Variants in CSMD1 observed in about 807,000 individuals in gnomAD.
CSMD1 encodes the protein CUB and sushi domain-containing protein 1.
A neutral mutation model predicts 417.5 loss-of-function variants in CSMD1; 213 were observed. The ratio of observed to expected loss-of-function variants is 0.51; its 90% CI spans 0.46 to 0.57. The LOEUF (loss-of-function observed/expected upper bound fraction) is 0.57, where lower values mean the gene tolerates loss of function less well. Ranked by LOEUF, CSMD1 falls within the 20% of genes least tolerant of loss-of-function variation. CSMD1 has a pLI of 0.00. For missense variants in CSMD1, 6,923 were observed against 4,529.7 expected, an observed-to-expected ratio of 1.53 and a Z score of -15.17; for synonymous variants, 2,862 against 1,736.8, an observed-to-expected ratio of 1.65 and a Z score of -16.11.
intron 6 of CSMD1, among the ~76,000 whole-genome samples, chr8:3,718,865 A>T (rs752300190): frequency 6.6e-6 from 1 of 152,126 alleles, no homozygotes; most frequent in Non-Finnish European, 1.5e-5. Flanking sequence ...GAATTTAAAG[A>T]TTGTTTTACT....
At chr8:3,614,688 C>T (rs1802051527) in intron 8 of CSMD1, among the ~76,000 whole-genome samples, 1 of 152,182 alleles carries the variant, frequency 6.6e-6, no homozygotes, top group African/African-American at 2.4e-5. Context: ...TTCTAGGTTT[C>T]TGGGATGACA....
At chr8:2,997,881 C>T in intron 54 of CSMD1, 130 bp downstream of exon 54, 1 of 845,670 alleles carries the variant, frequency 1.2e-6, no homozygotes, top group Non-Finnish European at 1.7e-6. Context: ...GCTTTCACAC[C>T]TGAATGGTGA....
At chr8:3,313,185 A>T (rs539086989) in intron 23 of CSMD1, among the ~76,000 whole-genome samples, 12 of 152,296 alleles carry the variant, frequency 7.9e-5, no homozygotes, top group African/African-American at 2.4e-4. Flanking sequence ...AACCTAGGCA[A>T]TACCATTCAG....
intron 5 of CSMD1, among the ~76,000 whole-genome samples, chr8:3,920,993 T>G (rs971040248): frequency 6.6e-6 from 1 of 152,170 alleles, no homozygotes; most frequent in Non-Finnish European, 1.5e-5. Flanking sequence ...TAAAATAAGT[T>G]TGAAAATGTT....
chr8:3,619,794 G>C (rs1271168620), intron 7 of CSMD1, among the ~76,000 whole-genome samples: 1 of 152,170 alleles, frequency 6.6e-6, no homozygotes, highest in African/African-American at 2.4e-5. Context: ...GCAATGGATA[G>C]GCTGGGCACG....
chr8:3,178,127 T>C (rs1821057863), intron 37 of CSMD1, among the ~76,000 whole-genome samples: 1 of 152,206 alleles, frequency 6.6e-6, no homozygotes, highest in Admixed American at 6.5e-5. Context: ...TCCCTGAGAC[T>C]GTAGATCATA....
intron 49 of CSMD1, among the ~76,000 whole-genome samples, chr8:3,058,598 T>C (rs947101027): frequency 6.6e-6 from 1 of 152,342 alleles, no homozygotes; most frequent in South Asian, 2.1e-4. Flanking sequence ...CTAGAAAGAA[T>C]GTTTGTGCCA....
chr8:3,939,123 A>T (rs1409458990), intron 5 of CSMD1, among the ~76,000 whole-genome samples: 1 of 152,158 alleles, frequency 6.6e-6, no homozygotes, highest in Admixed American at 6.6e-5. Flanking sequence ...TGAATTACAG[A>T]AAAACTGTTC....
chr8:3,251,306 T>C (rs1477721684), intron 26 of CSMD1, among the ~76,000 whole-genome samples: 1 of 152,188 alleles, frequency 6.6e-6, no homozygotes, highest in Non-Finnish European at 1.5e-5. Flanking sequence ...CCCAGCACCA[T>C]TTATTAAATA....
chr8:3,510,215 G>A (rs540896403), intron 10 of CSMD1, among the ~76,000 whole-genome samples: 2 of 150,742 alleles, frequency 1.3e-5, no homozygotes, highest in Admixed American at 1.3e-4. Flanking sequence ...ACATCAGGGA[G>A]TCGGCAGGAG....
intron 3 of CSMD1, among the ~76,000 whole-genome samples, chr8:4,160,573 T>G (rs780536330): frequency 3.3e-5 from 5 of 152,220 alleles, no homozygotes; most frequent in African/African-American, 1.2e-4. Flanking sequence ...GTTTCTCATC[T>G]TGCATGAGGC....
chr8:4,156,424 T>G (rs932963414), intron 3 of CSMD1, among the ~76,000 whole-genome samples: 1 of 152,206 alleles, frequency 6.6e-6, no homozygotes, highest in Admixed American at 6.5e-5. Flanking sequence ...CTGTACTGAC[T>G]TGAGAAAGAA....
intron 2 of CSMD1, among the ~76,000 whole-genome samples, chr8:4,456,938 G>T (rs928909840): frequency 1.4e-5 from 2 of 147,820 alleles, no homozygotes; most frequent in African/African-American, 5.0e-5. Context: ...CCTGAGCATG[G>T]CAATTCCTCT....
chr8:4,497,811 C>T (rs182178620), intron 2 of CSMD1, among the ~76,000 whole-genome samples: 5 of 152,302 alleles, frequency 3.3e-5, no homozygotes, highest in Non-Finnish European at 4.4e-5. Context: ...GTAGCAAGCA[C>T]AGCTGTCCAG....
rs1430027827 is a variant in CSMD1, at chr8:3,411,951, T to C, written c.1562-2346A>G. ...ATATACACGTATATATGCACGTATATATACACGTATATATGCACGTATATA... is the reference window on the plus strand; with the variant it reads ...ATATACACGTATATATGCACGTATACATACACGTATATATGCACGTATATA... On this transcript the variant is annotated intron_variant, in intron 12 of 69. Coordinates refer to ENST00000635120, the MANE Select transcript of CSMD1 (RefSeq NM_033225.6). Among the ~76,000 whole-genome samples, 303 of 72,182 alleles carry C rather than the reference T, an allele frequency of 4.2e-3. 21 individuals carry two copies. Among genetic ancestry groups the C allele is most frequent in the Middle Eastern group, 0.011 (1 of 90 alleles). 47.4% of individuals were successfully genotyped at this position (72,182 alleles called of 152,430 possible).
intron 2 of CSMD1, among the ~76,000 whole-genome samples, chr8:4,459,901 T>A (rs1256536415): frequency 1.3e-5 from 2 of 152,146 alleles, no homozygotes; most frequent in Non-Finnish European, 2.9e-5. Flanking sequence ...CAAAATTGCA[T>A]GCCAAATAAA....
rs141606536 is a variant in CSMD1 at position 3,820,645 on chromosome 8, G to A, written c.819-66603C>T. Among the ~76,000 whole-genome samples, 226 of 152,238 alleles carry A rather than the reference G, an allele frequency of 1.5e-3. 8 individuals carry two copies. In the East Asian group the frequency reaches 0.035, roughly 23 times the overall value. ...AGTTGGAGCGTAGTGGCGTAATCTC[G>A]GCTCAGTGCAAACTCTGCCTCCCAG... On this transcript the variant is annotated intron_variant, in intron 5 of 69. Coordinates refer to ENST00000635120, the MANE Select transcript of CSMD1 (RefSeq NM_033225.6).
intron 6 of CSMD1, among the ~76,000 whole-genome samples, chr8:3,719,160 G>T (rs1356808360): frequency 6.6e-6 from 1 of 152,010 alleles, no homozygotes; most frequent in African/African-American, 2.4e-5. Context: ...TCTATACTTC[G>T]TTGCATTAAA....
Position 4,566,414 on chromosome 8 carries a change from G to A in CSMD1, c.302+70928C>T, listed in dbSNP as rs1006353909. Reference sequence around the variant, plus strand: ...CATGCCTGTAATCCCATCACTTTGGGAGGCCGAGGTGGGTTGATCACGAGG... The same window carrying A: ...CATGCCTGTAATCCCATCACTTTGGAAGGCCGAGGTGGGTTGATCACGAGG... On this transcript the variant is annotated intron_variant, in intron 2 of 69. Transcript: ENST00000635120. Among the ~76,000 whole-genome samples, 3 of 152,046 alleles carry A rather than the reference G, an allele frequency of 2.0e-5. 1 individual carries two copies. The highest frequency in any genetic ancestry group is 4.4e-5 in the Non-Finnish European group (3 of 68,004).
Sources: allele counts gnomAD v4.1 joint callset (sites outside exome capture counted in the v4.1 genomes callset), GRCh38; gene constraint gnomAD v4.1.1; transcripts MANE v1.5; gene names NCBI Gene and HGNC (gene_info 2026-07-23, HGNC 2026-07-21).